Variants in ARIH1 observed in about 807,000 individuals in gnomAD.
The protein encoded by ARIH1 is E3 ubiquitin-protein ligase ARIH1.
ARIH1 carries 8 observed loss-of-function variants against 85.0 expected under a neutral mutation model. The observed-to-expected ratio is 0.09, with a 90% CI of 0.06 to 0.17. The LOEUF (loss-of-function observed/expected upper bound fraction) is 0.17. Among genes scored for constraint, ARIH1 ranks in the 10% least tolerant of loss-of-function variants. ARIH1 has a pLI of 1.00. For synonymous variants in ARIH1, 238 were observed against 253.6 expected (o/e 0.94, Z 0.59); for missense variants, 311 against 718.1 (o/e 0.43, Z 6.48).
intron 3 of ARIH1, among the ~76,000 whole-genome samples, chr15:72,545,387 A>T (rs184244904): frequency 4.6e-5 from 7 of 152,354 alleles, no homozygotes; most frequent in Admixed American, 4.6e-4. Context: ...TCTTCAGAAG[A>T]TAAGATTTTC....
intron 1 of ARIH1, among the ~76,000 whole-genome samples, chr15:72,482,787 C>G (rs1317687733): frequency 1.3e-5 from 2 of 151,038 alleles, no homozygotes; most frequent in Admixed American, 1.3e-4. Context: ...GGCTTATGGT[C>G]TCTTACAAGG....
Position 72,593,197 on chromosome 15 carries a change from A to G in ARIH1, c.*9905A>G, listed in dbSNP as rs1017370662. On this transcript the variant is annotated 3_prime_UTR_variant, in exon 14 of 14. Transcript: ENST00000379887. ...TTTCATATGCTTATTTTTCATTTGT[A>G]TATCTTTCAAGAAGTGTCTTTCATG... The G allele has an allele frequency of 1.3e-5, 2 of 152,112 alleles. No individual in the cohort carries two copies. The highest frequency in any genetic ancestry group is 2.9e-5 in the Non-Finnish European group (2 of 67,996). 9.4% of individuals were successfully genotyped at this position (152,112 alleles called of 1,614,324 possible). A position where few individuals can be genotyped will look rare whatever the true frequency, so the allele number is the denominator to read the frequency against.
At chr15:72,571,901 A>G (rs767043892) in intron 10 of ARIH1, among the ~76,000 whole-genome samples, 14 of 152,240 alleles carry the variant, frequency 9.2e-5, no homozygotes, top group Non-Finnish European at 1.8e-4. Context: ...TTCAAACACT[A>G]GATAGGGTTA....
chr15:72,557,721 T>C (rs935549756), intron 5 of ARIH1, among the ~76,000 whole-genome samples: 10 of 152,238 alleles, frequency 6.6e-5, no homozygotes, highest in South Asian at 2.1e-4. Context: ...TTAATTTTTG[T>C]ATATGGTGAA....
chr15:72,583,223 A>G lies in ARIH1; in HGVS notation c.1605A>G (p.Arg535=). Residue 535 remains arginine, a synonymous_variant, in exon 14 of 14, where the codon CGA becomes CGG. Coordinates refer to ENST00000379887, the MANE Select transcript of ARIH1 (RefSeq NM_005744.5). ...VQDKYRYCES[R]RRVLLQHVHE... The stretch of plus-strand genomic sequence containing the variant: ...TTGATTACAGATACTGTGAGAGTCG[A>G]CGAAGGGTTTTGTTACAGCATGTGC... 1.9e-6 allele frequency: 3 copies of G among 1,612,254 alleles called. No homozygotes were observed. Among genetic ancestry groups the G allele is most frequent in the Non-Finnish European group, 2.5e-6 (3 of 1,179,068 alleles).
At chr15:72,543,824 A>G (rs2064117907) in intron 2 of ARIH1, among the ~76,000 whole-genome samples, 1 of 151,920 alleles carries the variant, frequency 6.6e-6, no homozygotes, top group Admixed American at 6.6e-5. Context: ...TTTGCTGGTT[A>G]TATTGGTTTT....
intron 1 of ARIH1, among the ~76,000 whole-genome samples, chr15:72,476,216 A>G (rs1345003408): frequency 6.6e-6 from 1 of 152,258 alleles, no homozygotes; most frequent in Non-Finnish European, 1.5e-5. Context: ...ACAGTTTTAA[A>G]AATTGAAGCA....
chr15:72,475,201 G>A, intron 1 of ARIH1, 187 bp downstream of exon 1: 2 of 1,255,160 alleles, frequency 1.6e-6, no homozygotes, highest in Non-Finnish European at 2.1e-6. Context: ...CGATTAGCCG[G>A]GTGTGGGGAG....
At chr15:72,572,469 C>T (rs1477605648) in intron 11 of ARIH1, 4 of 191,966 alleles carry the variant, frequency 2.1e-5, no homozygotes, top group East Asian at 2.5e-4. Flanking sequence ...TGGCCTCGGC[C>T]TCCCAAAGTG....
intron 2 of ARIH1, among the ~76,000 whole-genome samples, chr15:72,529,269 A>G (rs540512665): frequency 8.4e-4 from 128 of 152,088 alleles, no homozygotes; most frequent in Non-Finnish European, 1.5e-3. Context: ...TGCTCCCCCT[A>G]TCTCACTATC....
At chr15:72,507,957 A>C (rs1000148816) in intron 1 of ARIH1, among the ~76,000 whole-genome samples, 2 of 152,104 alleles carry the variant, frequency 1.3e-5, no homozygotes, top group Non-Finnish European at 2.9e-5. Context: ...GTGTAGTGGG[A>C]AATTGTTTAG....
intron 6 of ARIH1, 66 bp from the exon 7 acceptor site, chr15:72,563,328 G>A: frequency 7.0e-7 from 1 of 1,422,782 alleles, no homozygotes; most frequent in Non-Finnish European, 9.9e-7. Context: ...CTAAGTTCTG[G>A]GATTATAGGT....
intron 1 of ARIH1, among the ~76,000 whole-genome samples, chr15:72,478,177 G>A (rs1408245732): frequency 6.6e-6 from 1 of 152,040 alleles, no homozygotes; most frequent in African/African-American, 2.4e-5. Context: ...GTGCAGTGGC[G>A]TGATCTCAGC....
intron 11 of ARIH1, among the ~76,000 whole-genome samples, chr15:72,574,988 A>G (rs1027524498): frequency 1.3e-5 from 2 of 150,272 alleles, no homozygotes; most frequent in African/African-American, 2.5e-5. Flanking sequence ...AGTCTCAGCT[A>G]TTTGGGAGCT....
In ARIH1 at chr15:72,589,177, C is replaced by T. The variant is rs1354379860; in HGVS notation, c.*5885C>T. On this transcript the variant is annotated 3_prime_UTR_variant, in exon 14 of 14. Transcript: ENST00000379887. The stretch of plus-strand genomic sequence containing the variant: ...CTAAAGCAAAATGGGCATTGTTACC[C>T]TATTTTTATGAGGAAAGACACTCAT... 6.6e-6 allele frequency: 1 copy of T among 152,134 alleles called. No homozygotes were observed. Among genetic ancestry groups the T allele is most frequent in the African/African-American group, 2.4e-5 (1 of 41,410 alleles). 9.4% of individuals were successfully genotyped at this position (152,134 alleles called of 1,614,324 possible). A position where few individuals can be genotyped will look rare whatever the true frequency, so the allele number is the denominator to read the frequency against.
intron 1 of ARIH1, among the ~76,000 whole-genome samples, chr15:72,517,758 G>A (rs1003406887): frequency 3.9e-5 from 6 of 151,932 alleles, no homozygotes; most frequent in Non-Finnish European, 8.8e-5. Flanking sequence ...TGATGTGGCA[G>A]TCTGCTGAAA....
intron 2 of ARIH1, among the ~76,000 whole-genome samples, chr15:72,518,371 G>C (rs200039521): frequency 4.2e-5 from 2 of 47,984 alleles, no homozygotes; most frequent in African/African-American, 5.5e-5. Flanking sequence ...GTGTTTGGGG[G>C]TGTGCTTCAG....
chr15:72,559,263 T>G (rs2064187610), intron 5 of ARIH1, among the ~76,000 whole-genome samples: 2 of 152,062 alleles, frequency 1.3e-5, no homozygotes, highest in African/African-American at 4.8e-5. Flanking sequence ...GCAATGGGGT[T>G]TTTTTTGTTT....
chr15:72,560,530 G>A (rs1050406641), intron 5 of ARIH1, among the ~76,000 whole-genome samples: 9 of 152,206 alleles, frequency 5.9e-5, no homozygotes, highest in African/African-American at 1.9e-4. Context: ...AGTGAGTTGT[G>A]AGGCTGGCAT....
Sources: gnomAD v4.1 joint callset for allele counts (sites outside exome capture counted in the v4.1 genomes callset) on GRCh38, gnomAD v4.1.1 for gene constraint, MANE v1.5 for transcripts, NCBI Gene and HGNC (gene_info 2026-07-23, HGNC 2026-07-21) for gene names.